The following CCDC102B variants were observed in gnomAD, a reference collection of about 807,000 sequenced individuals.
CCDC102B encodes the protein coiled-coil domain-containing protein 102B.
A neutral mutation model predicts 57.4 loss-of-function variants in CCDC102B; 75 were observed. That is an observed-to-expected ratio of 1.31 (90% CI 1.08 to 1.58). The LOEUF is 1.58. CCDC102B is among the 40% of genes most tolerant of loss of function. CCDC102B has a pLI of 0.00. For missense variants in CCDC102B, 636 were observed against 582.6 expected (o/e 1.09, Z -0.94); for synonymous variants, 206 against 201.9 (o/e 1.02, Z -0.17).
intron 6 of CCDC102B, among the ~76,000 whole-genome samples, chr18:68,913,791 G>A (rs912107174): frequency 2.0e-5 from 3 of 152,104 alleles, no homozygotes; most frequent in Non-Finnish European, 4.4e-5. Flanking sequence ...TACTTCACAG[G>A]CAGTTCCTAT....
intron 2 of CCDC102B, among the ~76,000 whole-genome samples, chr18:68,766,878 AT>A (rs545400410): frequency 7.2e-5 from 11 of 152,048 alleles, no homozygotes; most frequent in East Asian, 1.9e-4. Context: ...AACTTTTATA[AT>A]TTTTTTTGTA....
chr18:68,812,250 C>T (rs1329455482), intron 1 of CCDC102B, among the ~76,000 whole-genome samples: 1 of 151,626 alleles, frequency 6.6e-6, no homozygotes, highest in Admixed American at 6.6e-5. Flanking sequence ...AAAATATATT[C>T]AAAATTCACA....
intron 6 of CCDC102B, among the ~76,000 whole-genome samples, chr18:68,985,193 T>C (rs1237515997): frequency 6.6e-6 from 1 of 152,216 alleles, no homozygotes; most frequent in Non-Finnish European, 1.5e-5. Context: ...CAAAGGATAA[T>C]ATTTAATAAC....
At chr18:69,008,802 A>G (rs866231327) in intron 6 of CCDC102B, among the ~76,000 whole-genome samples, 4 of 152,192 alleles carry the variant, frequency 2.6e-5, no homozygotes, top group African/African-American at 9.7e-5. Context: ...GTCGCTTTAT[A>G]TCAGCTTGTT....
chr18:68,943,714 G>C (rs543974451), intron 6 of CCDC102B, among the ~76,000 whole-genome samples: 3 of 152,228 alleles, frequency 2.0e-5, no homozygotes, highest in Admixed American at 6.5e-5. Context: ...GCCACACTTT[G>C]AGACCAATTA....
At chr18:68,732,806 A>G (rs1208752810) in intron 2 of CCDC102B, among the ~76,000 whole-genome samples, 1 of 152,174 alleles carries the variant, frequency 6.6e-6, no homozygotes, top group African/African-American at 2.4e-5. Flanking sequence ...GTATTAAAAA[A>G]CTATGATTTT....
intron 4 of CCDC102B, among the ~76,000 whole-genome samples, chr18:68,857,580 A>G (rs2038537021): frequency 1.3e-5 from 2 of 150,890 alleles, no homozygotes; most frequent in South Asian, 2.1e-4. Flanking sequence ...TCAATACAAA[A>G]CCATATGCCA....
At chr18:68,938,639 A>G (rs544219332) in intron 6 of CCDC102B, among the ~76,000 whole-genome samples, 2 of 151,868 alleles carry the variant, frequency 1.3e-5, no homozygotes, top group South Asian at 2.1e-4. Context: ...ATCATTATAC[A>G]GCTATCCCTA....
At chr18:68,814,504 G>A (rs2036401453) in intron 1 of CCDC102B, among the ~76,000 whole-genome samples, 1 of 151,992 alleles carries the variant, frequency 6.6e-6, no homozygotes, top group Admixed American at 6.5e-5. Flanking sequence ...TCATTCAATG[G>A]TCAGTTACAT....
At chr18:69,028,118 G>A (rs973757725) in intron 7 of CCDC102B, among the ~76,000 whole-genome samples, 3 of 152,208 alleles carry the variant, frequency 2.0e-5, no homozygotes, top group African/African-American at 7.2e-5. Flanking sequence ...TTATCCTGAA[G>A]TGGGTGTAGA....
At chr18:68,924,954 A>C (rs576865577) in intron 6 of CCDC102B, among the ~76,000 whole-genome samples, 1 of 152,168 alleles carries the variant, frequency 6.6e-6, no homozygotes, top group Admixed American at 6.6e-5. Flanking sequence ...AGTCTGTGAC[A>C]GGCCTAAGTA....
intron 2 of CCDC102B, among the ~76,000 whole-genome samples, chr18:68,761,743 A>G (rs2034260294): frequency 6.6e-6 from 1 of 152,094 alleles, no homozygotes; most frequent in Admixed American, 6.6e-5. Context: ...TAACCCTTAT[A>G]GCTGGGTTTA....
intron 2 of CCDC102B, among the ~76,000 whole-genome samples, chr18:68,765,387 A>G (rs2034432562): frequency 6.7e-6 from 1 of 149,108 alleles, no homozygotes; most frequent in African/African-American, 2.5e-5. Flanking sequence ...GAAAAGAAAG[A>G]AAGAAAAGAA....
Position 68,842,237 on chromosome 18 carries a change from G to GTA in CCDC102B, c.827+3325_827+3326dup, listed in dbSNP as rs35993883. On this transcript the variant is annotated intron_variant, in intron 3 of 7. Transcript: ENST00000360242. ...ATATTTAAGAAATTATATATATAAA[G>GTA]TATATATATATATATTCCTCAATGA... Among the ~76,000 whole-genome samples, 659 of 148,740 alleles carry GTA rather than the reference G, an allele frequency of 4.4e-3. 2 individuals are homozygous for GTA. Among genetic ancestry groups the GTA allele is most frequent in the Middle Eastern group, 0.011 (3 of 280 alleles).
At chr18:68,926,305 AT>A (rs770341922) in intron 6 of CCDC102B, among the ~76,000 whole-genome samples, 213 of 152,018 alleles carry the variant, frequency 1.4e-3, no homozygotes, top group Non-Finnish European at 2.3e-3. Flanking sequence ...AATATTTATA[AT>A]TTTTTAATGA....
At chr18:68,830,948 T>C (rs2037119023) in intron 1 of CCDC102B, among the ~76,000 whole-genome samples, 2 of 152,046 alleles carry the variant, frequency 1.3e-5, no homozygotes, top group Non-Finnish European at 2.9e-5. Context: ...TAACAAATGA[T>C]GCATTGACAC....
At chr18:68,766,323 G>T (rs1339380260) in intron 2 of CCDC102B, among the ~76,000 whole-genome samples, 1 of 152,096 alleles carries the variant, frequency 6.6e-6, no homozygotes, top group Admixed American at 6.6e-5. Flanking sequence ...GAAATTTGAG[G>T]AAAGTAACAC....
At chr18:68,882,225 AAAT>A (rs1169115954) in intron 5 of CCDC102B, among the ~76,000 whole-genome samples, 1 of 152,238 alleles carries the variant, frequency 6.6e-6, no homozygotes, top group Admixed American at 6.5e-5. Context: ...AGACAATACA[AAAT>A]AATGCCTTAT....
chr18:68,765,279 G>T (rs2144597578), intron 2 of CCDC102B, among the ~76,000 whole-genome samples: 1 of 136,450 alleles, frequency 7.3e-6, no homozygotes, highest in Non-Finnish European at 1.5e-5. Flanking sequence ...GAAAGAGAAA[G>T]AAAGAAAAGA....
Sources: gnomAD v4.1 joint callset for allele counts (sites outside exome capture counted in the v4.1 genomes callset) on GRCh38, gnomAD v4.1.1 for gene constraint, MANE v1.5 for transcripts, NCBI Gene and HGNC (gene_info 2026-07-23, HGNC 2026-07-21) for gene names.